PPFIA1: variants seen among roughly 807,000 people sequenced by gnomAD.
PPFIA1 encodes PPFI scaffold protein A1, also known as liprin-alpha-1.
Under a neutral mutation model 149.9 loss-of-function variants are expected in PPFIA1, and 25 were observed. That is an observed-to-expected ratio of 0.17 (90% CI 0.12 to 0.23). PPFIA1 has a LOEUF of 0.23. Ranked by LOEUF, PPFIA1 falls within the 10% of genes least tolerant of loss-of-function variation. The probability of loss-of-function intolerance (pLI) is 1.00; values close to 1 mark genes in which losing one functional copy is unlikely to be tolerated. For missense variants in PPFIA1, 1,362 were observed against 1,506.5 expected (o/e 0.90, Z 1.59); for synonymous variants, 549 against 552.8 (o/e 0.99, Z 0.10).
At chr11:70,360,669 G>A (rs2056595846) in intron 19 of PPFIA1, among the ~76,000 whole-genome samples, 1 of 152,260 alleles carries the variant, frequency 6.6e-6, no homozygotes, top group South Asian at 2.1e-4. Flanking sequence ...GCCATGCAGC[G>A]CGCCCTTCCT....
intron 16 of PPFIA1, among the ~76,000 whole-genome samples, chr11:70,353,795 C>T (rs528098724): frequency 5.3e-4 from 81 of 152,264 alleles, no homozygotes; most frequent in African/African-American, 1.9e-3. Context: ...TTTATTTTTA[C>T]CCCGTTCAGA....
intron 2 of PPFIA1, among the ~76,000 whole-genome samples, chr11:70,281,073 A>G (rs2050733917): frequency 6.6e-6 from 1 of 152,130 alleles, no homozygotes; most frequent in Non-Finnish European, 1.5e-5. Context: ...AATAGTTGAC[A>G]TTTGCATCTG....
At chr11:70,293,992 T>C (rs1218300425) in intron 2 of PPFIA1, among the ~76,000 whole-genome samples, 1 of 143,764 alleles carries the variant, frequency 7.0e-6, no homozygotes. Flanking sequence ...CAGGCTGGAG[T>C]GCAGTGAGAT....
At chr11:70,345,600 G>T (rs552999877) in intron 15 of PPFIA1, among the ~76,000 whole-genome samples, 36 of 152,122 alleles carry the variant, frequency 2.4e-4, no homozygotes, top group Middle Eastern at 6.8e-3. Context: ...AGGAGACTAG[G>T]AATTGAGCCA....
At chr11:70,310,817 C>T (rs988823446) in intron 2 of PPFIA1, among the ~76,000 whole-genome samples, 1 of 152,132 alleles carries the variant, frequency 6.6e-6, no homozygotes, top group Non-Finnish European at 1.5e-5. Context: ...GGAGACTGAA[C>T]GAGTTCTGGA....
chr11:70,280,055 G>A (rs1487345392), intron 2 of PPFIA1, among the ~76,000 whole-genome samples: 2 of 151,814 alleles, frequency 1.3e-5, no homozygotes, highest in Admixed American at 6.6e-5. Context: ...CTACAGGTGC[G>A]TGCCACCACA....
At chr11:70,357,249 C>G (rs2056403356) in intron 19 of PPFIA1, among the ~76,000 whole-genome samples, 1 of 152,196 alleles carries the variant, frequency 6.6e-6, no homozygotes, top group African/African-American at 2.4e-5. Flanking sequence ...GAAAAATCAT[C>G]TGGCCACTTT....
chr11:70,278,078 T>C (rs997752324), intron 2 of PPFIA1, among the ~76,000 whole-genome samples: 6 of 151,924 alleles, frequency 3.9e-5, no homozygotes, highest in African/African-American at 1.4e-4. Flanking sequence ...GCCCAGCTAA[T>C]TTTTGTATTT....
chr11:70,345,066 TCTA>T (rs2055605010), intron 15 of PPFIA1, among the ~76,000 whole-genome samples: 3 of 148,988 alleles, frequency 2.0e-5, no homozygotes, highest in Non-Finnish European at 3.0e-5. Context: ...CAGCCCGTAC[TCTA>T]GGAGAGGGCG....
At chr11:70,316,506 A>G (rs1399998462) in intron 2 of PPFIA1, among the ~76,000 whole-genome samples, 1 of 152,266 alleles carries the variant, frequency 6.6e-6, no homozygotes, top group African/African-American at 2.4e-5. Flanking sequence ...TATAGAGAGT[A>G]AGAGATGTGG....
chr11:70,326,329 A>G lies in PPFIA1; in HGVS notation c.674A>G (p.His225Arg), dbSNP rs762668966. 1 of 1,608,580 alleles carries G rather than the reference A, an allele frequency of 6.2e-7. No homozygotes were observed. The change falls in exon 6 of 28, where the codon CAT (histidine) becomes CGT (arginine). Residue 225 changes from histidine (H) to arginine (R), a missense_variant. By Grantham distance (29) the His-to-Arg change is conservative. Coordinates refer to ENST00000253925, the MANE Select transcript of PPFIA1 (RefSeq NM_003626.5). Reference sequence around the variant, plus strand: ...ACAGATGGAGTGCTGGACATAAACCATGAACAAGAAAATACACCAAGCACG... The same window carrying G: ...ACAGATGGAGTGCTGGACATAAACCGTGAACAAGAAAATACACCAAGCACG... ...TLTDGVLDIN[H>R]EQENTPSTSG...
At chr11:70,328,553 T>C (rs1468518025) in intron 7 of PPFIA1, among the ~76,000 whole-genome samples, 1 of 152,202 alleles carries the variant, frequency 6.6e-6, no homozygotes, top group Non-Finnish European at 1.5e-5. Context: ...TGTGCGTGTG[T>C]CTTTATAATA....
chr11:70,325,426 C>T lies in PPFIA1; in HGVS notation c.532-74C>T, dbSNP rs567382797. 3.8e-5 allele frequency: 36 copies of T among 939,338 alleles called. No homozygotes were observed. The African/African-American group carries it at 4.4e-4, about 12-fold the overall frequency. 58.2% of individuals were successfully genotyped at this position (939,338 alleles called of 1,614,324 possible). On this transcript the variant is annotated intron_variant, in intron 4 of 27. Transcript: ENST00000253925. ...ATATATACATTAAGTGTATATATTA[C>T]ACTTAACTATATATTAAGAATAAAA...
At chr11:70,319,166 C>T (rs2053796723) in intron 2 of PPFIA1, among the ~76,000 whole-genome samples, 2 of 152,242 alleles carry the variant, frequency 1.3e-5, no homozygotes, top group Admixed American at 1.3e-4. Context: ...TTGCTTCCGC[C>T]AGAATCCTTG....
chr11:70,310,404 T>G (rs1160975457), intron 2 of PPFIA1, among the ~76,000 whole-genome samples: 1 of 138,506 alleles, frequency 7.2e-6, no homozygotes, highest in Non-Finnish European at 1.5e-5. Flanking sequence ...TTTTTTTTTT[T>G]GAGACGGAGT....
intron 19 of PPFIA1, among the ~76,000 whole-genome samples, chr11:70,361,216 G>A (rs547495998): frequency 3.3e-5 from 5 of 152,176 alleles, no homozygotes; most frequent in Admixed American, 6.6e-5. Context: ...AAAATGATGA[G>A]CATGTATAGT....
chr11:70,381,821 G>A (rs1007393393), intron 26 of PPFIA1, among the ~76,000 whole-genome samples: 1 of 152,208 alleles, frequency 6.6e-6, no homozygotes, highest in Admixed American at 6.5e-5. Flanking sequence ...TGTACATTTT[G>A]AAATTGTTAC....
At chr11:70,335,718 C>T in intron 11 of PPFIA1, 24 bp downstream of exon 11, 1 of 1,612,314 alleles carries the variant, frequency 6.2e-7, no homozygotes, top group South Asian at 1.1e-5. Flanking sequence ...CACGGACATG[C>T]TGGAGCTTTC....
At chr11:70,286,514 G>A (rs1468116704) in intron 2 of PPFIA1, among the ~76,000 whole-genome samples, 1 of 152,148 alleles carries the variant, frequency 6.6e-6, no homozygotes, top group Admixed American at 6.5e-5. Flanking sequence ...GCCTCCCAAA[G>A]TGCTGGGATT....
Sources: allele counts gnomAD v4.1 joint callset (sites outside exome capture counted in the v4.1 genomes callset), GRCh38; gene constraint gnomAD v4.1.1; transcripts MANE v1.5; gene names NCBI Gene and HGNC (gene_info 2026-07-23, HGNC 2026-07-21).